KYNU: variants seen among roughly 807,000 people sequenced by gnomAD.
KYNU encodes kynureninase.
KYNU carries 54 observed loss-of-function variants against 59.2 expected under a neutral mutation model. That is an observed-to-expected ratio of 0.91 (90% CI 0.73 to 1.14). The LOEUF is 1.14. KYNU is among the 50% of genes most tolerant of loss of function. KYNU has a pLI of 0.00. For synonymous variants in KYNU, 177 were observed against 192.0 expected (o/e 0.92, Z 0.65); for missense variants, 567 against 554.4 (o/e 1.02, Z -0.23).
At chr2:142,885,619 CATT>C in intron 2 of KYNU, 83 bp downstream of exon 2, 4 of 1,236,740 alleles carry the variant, frequency 3.2e-6, no homozygotes, top group East Asian at 2.5e-5. Flanking sequence ...CTTTGAAAAT[CATT>C]GTTGTATTAC....
At chr2:142,997,169 A>G (rs1287859333) in intron 10 of KYNU, among the ~76,000 whole-genome samples, 1 of 152,168 alleles carries the variant, frequency 6.6e-6, no homozygotes, top group Non-Finnish European at 1.5e-5. Context: ...TTCAGTTGCT[A>G]AAGTTTTTAC....
intron 4 of KYNU, among the ~76,000 whole-genome samples, chr2:142,951,773 G>A (rs1436820518): frequency 1.3e-5 from 2 of 152,222 alleles, no homozygotes; most frequent in South Asian, 2.1e-4. Flanking sequence ...ATTTTGTGAT[G>A]TGCTCAGTTA....
intron 8 of KYNU, among the ~76,000 whole-genome samples, chr2:142,965,586 G>T (rs948313068): frequency 6.6e-6 from 1 of 152,066 alleles, no homozygotes; most frequent in Non-Finnish European, 1.5e-5. Context: ...TTCTATTTAA[G>T]GCAGAGAGAA....
At chr2:142,917,311 G>C (rs1682697938) in intron 2 of KYNU, among the ~76,000 whole-genome samples, 1 of 152,146 alleles carries the variant, frequency 6.6e-6, no homozygotes, top group African/African-American at 2.4e-5. Flanking sequence ...GGGAACTATG[G>C]ATGAACCCAG....
At chr2:143,006,501 G>T (rs1431352214) in intron 10 of KYNU, among the ~76,000 whole-genome samples, 1 of 93,054 alleles carries the variant, frequency 1.1e-5, no homozygotes. Context: ...CATTGCCCAG[G>T]CTTGATTAGG....
intron 4 of KYNU, among the ~76,000 whole-genome samples, chr2:142,954,385 AG>A (rs1216698678): frequency 3.3e-5 from 5 of 152,068 alleles, no homozygotes; most frequent in African/African-American, 1.2e-4. Context: ...CTTTTATAAA[AG>A]GTGTATTTTA....
At chr2:142,977,372 G>GATATATATAT (rs70997538) in intron 8 of KYNU, among the ~76,000 whole-genome samples, 5,636 of 131,116 alleles carry the variant, frequency 0.043, 357 homozygotes, top group South Asian at 0.069. Context: ...ATTTTGTGTG[G>GATATATATAT]ATATATATAT....
At chr2:143,000,875 A>G (rs1397292415) in intron 10 of KYNU, among the ~76,000 whole-genome samples, 1 of 152,066 alleles carries the variant, frequency 6.6e-6, no homozygotes, top group Admixed American at 6.6e-5. Flanking sequence ...GAATGACCCA[A>G]TTTGTATAAT....
At chr2:142,920,342 T>G (rs16858309) in intron 3 of KYNU, among the ~76,000 whole-genome samples, 2,354 of 152,342 alleles carry the variant, frequency 0.015, 60 homozygotes, top group African/African-American at 0.053. Context: ...ATATTCATTT[T>G]TGGCCTTAAT....
intron 8 of KYNU, among the ~76,000 whole-genome samples, chr2:142,961,381 G>T (rs1684345214): frequency 1.3e-5 from 2 of 148,740 alleles, no homozygotes; most frequent in Non-Finnish European, 3.0e-5. Context: ...AGCTGTAGGT[G>T]ATGCCATTGG....
intron 8 of KYNU, among the ~76,000 whole-genome samples, chr2:142,973,394 C>G (rs10928162): frequency 0.11 from 17,240 of 152,102 alleles, 1,078 homozygotes; most frequent in East Asian, 0.21. Context: ...CTCAGAACCT[C>G]AAGCCTACTC....
At chr2:142,879,275 C>T (rs1681209535) in intron 1 of KYNU, among the ~76,000 whole-genome samples, 1 of 152,134 alleles carries the variant, frequency 6.6e-6, no homozygotes, top group Non-Finnish European at 1.5e-5. Context: ...CGAAGTTGTG[C>T]AAGTGGTGGA....
chr2:142,977,648 A>G (rs1038426709), intron 8 of KYNU, among the ~76,000 whole-genome samples: 21 of 152,056 alleles, frequency 1.4e-4, no homozygotes, highest in African/African-American at 5.1e-4. Context: ...ACTATACTAT[A>G]CTGATATAAA....
chr2:142,994,285 C>G (rs1685478620), intron 10 of KYNU, among the ~76,000 whole-genome samples: 1 of 151,924 alleles, frequency 6.6e-6, no homozygotes, highest in Non-Finnish European at 1.5e-5. Flanking sequence ...CCTGGTACTT[C>G]CAACACTGAG....
At chr2:143,028,703 C>A (rs112011008) in intron 10 of KYNU, among the ~76,000 whole-genome samples, 13,262 of 151,720 alleles carry the variant, frequency 0.087, 777 homozygotes, top group African/African-American at 0.16. Flanking sequence ...AAAAAGTTAG[C>A]CGGGCGTGGT....
chr2:142,963,992 C>T (rs145550265), intron 8 of KYNU, among the ~76,000 whole-genome samples: 1 of 152,070 alleles, frequency 6.6e-6, no homozygotes, highest in Non-Finnish European at 1.5e-5. Flanking sequence ...ATTTTGGAGC[C>T]TTTCAGATTT....
At chr2:142,947,092 TTTG>T (rs1294074658) in intron 4 of KYNU, 3 of 1,550,912 alleles carry the variant, frequency 1.9e-6, no homozygotes, top group Non-Finnish European at 2.6e-6. Context: ...AATATGTCCT[TTTG>T]TTGCTTTTTT....
chr2:142,976,555 T>G (rs1573861821), intron 8 of KYNU, among the ~76,000 whole-genome samples: 1 of 152,218 alleles, frequency 6.6e-6, no homozygotes, highest in Non-Finnish European at 1.5e-5. Context: ...GATCGCCTTC[T>G]CTATGCACTT....
Position 143,053,732 on chromosome 2 carries a change from CTG to C in KYNU, c.*11563_*11564del, listed in dbSNP as rs1687307241. The C allele has an allele frequency of 6.6e-6, 1 of 152,554 alleles. No individual in the cohort carries two copies. Among genetic ancestry groups the C allele is most frequent in the African/African-American group, 2.4e-5 (1 of 41,456 alleles). The allele number at this position is 152,554 out of a possible 1,614,324, so 9.5% of individuals were successfully genotyped here. ...ATGAGGCCTCCCTGGCCATGTGGAACTGTGAGTCCATTAAACCTCTTTCTTTT... is the reference window on the plus strand; with the variant it reads ...ATGAGGCCTCCCTGGCCATGTGGAACTGAGTCCATTAAACCTCTTTCTTTT... On this transcript the variant is annotated 3_prime_UTR_variant, in exon 14 of 14. Transcript: ENST00000264170.
Sources: gnomAD v4.1 joint callset for allele counts (sites outside exome capture counted in the v4.1 genomes callset) on GRCh38, gnomAD v4.1.1 for gene constraint, MANE v1.5 for transcripts, NCBI Gene and HGNC (gene_info 2026-07-23, HGNC 2026-07-21) for gene names.